The following ME1 variants were observed in gnomAD, a reference collection of about 807,000 sequenced individuals.
ME1 encodes NADP-dependent malic enzyme.
In ME1, 74 loss-of-function variants were observed where a neutral mutation model predicts 66.4. The observed-to-expected ratio is 1.11, with a 90% CI of 0.92 to 1.35. The LOEUF (loss-of-function observed/expected upper bound fraction) is 1.35. Among genes scored for constraint, ME1 ranks in the 40% most tolerant of loss-of-function variants. The probability of loss-of-function intolerance (pLI) is 0.00; values close to 1 mark genes in which losing one functional copy is unlikely to be tolerated. For synonymous variants in ME1, 251 were observed against 235.6 expected (o/e 1.07, Z -0.60); for missense variants, 750 against 694.1 (o/e 1.08, Z -0.90).
At chr6:83,225,156 C>T (rs954609407) in intron 11 of ME1, among the ~76,000 whole-genome samples, 1 of 135,736 alleles carries the variant, frequency 7.4e-6, no homozygotes, top group African/African-American at 2.8e-5. Flanking sequence ...GAGCCGAGAT[C>T]GTGCCATTCA....
intron 6 of ME1, among the ~76,000 whole-genome samples, chr6:83,301,000 A>C (rs1052386711): frequency 5.9e-5 from 9 of 152,080 alleles, no homozygotes; most frequent in African/African-American, 1.2e-4. Flanking sequence ...GAACAATAAG[A>C]ACACTTGGAC....
chr6:83,300,108 T>C (rs1193948153), intron 6 of ME1, among the ~76,000 whole-genome samples: 1 of 152,114 alleles, frequency 6.6e-6, no homozygotes, highest in Non-Finnish European at 1.5e-5. Flanking sequence ...GGCAGCCATC[T>C]AATCTTCAAT....
chr6:83,274,059 C>T (rs545429996), intron 6 of ME1, among the ~76,000 whole-genome samples: 4 of 152,284 alleles, frequency 2.6e-5, no homozygotes, highest in Non-Finnish European at 5.9e-5. Flanking sequence ...CTCCTTTCCT[C>T]TGATGTGCTA....
chr6:83,262,161 G>T (rs1331719109), intron 6 of ME1, among the ~76,000 whole-genome samples: 1 of 152,108 alleles, frequency 6.6e-6, no homozygotes, highest in African/African-American at 2.4e-5. Flanking sequence ...ATGTGCACAG[G>T]CCATCTGATG....
At chr6:83,224,931 G>A (rs531753007) in intron 11 of ME1, among the ~76,000 whole-genome samples, 1 of 151,928 alleles carries the variant, frequency 6.6e-6, no homozygotes, top group South Asian at 2.1e-4. Flanking sequence ...GCTGGGCGCG[G>A]TGGCTCACGC....
chr6:83,383,147 C>CAT, intron 3 of ME1, among the ~76,000 whole-genome samples: 1 of 151,910 alleles, frequency 6.6e-6, no homozygotes, highest in East Asian at 1.9e-4. Flanking sequence ...TACATACATA[C>CAT]ATACACACAC....
chr6:83,240,847 G>A (rs1180228), intron 7 of ME1, among the ~76,000 whole-genome samples: 67,786 of 151,770 alleles, frequency 0.45, 15,700 homozygotes, highest in African/African-American at 0.56. Context: ...TTAGGTAGCC[G>A]CAAATAAGAA....
At chr6:83,291,199 A>T (rs929715029) in intron 6 of ME1, among the ~76,000 whole-genome samples, 1 of 152,118 alleles carries the variant, frequency 6.6e-6, no homozygotes, top group Admixed American at 6.5e-5. Flanking sequence ...TAATTGATGC[A>T]GTTTCTTCTT....
At position 83,404,377 on chromosome 6, in the gene ME1, T is replaced by C. The variant is rs186232913; in HGVS notation, c.212+3391A>G. On this transcript the variant is annotated intron_variant, in intron 2 of 13. Coordinates refer to ENST00000369705, the MANE Select transcript of ME1 (RefSeq NM_002395.6). The stretch of plus-strand genomic sequence containing the variant: ...TTTTTTTCTTGTAAATTTGTTTAAG[T>C]TCTTTGTAGATTCTGGATATTAGCC... Among the ~76,000 whole-genome samples, 147 of 152,312 alleles carry C rather than the reference T, an allele frequency of 9.7e-4. 1 individual carries two copies. Among genetic ancestry groups the C allele is most frequent in the Non-Finnish European group, 1.4e-3 (92 of 68,026 alleles).
chr6:83,358,507 T>C (rs562617811), intron 3 of ME1, among the ~76,000 whole-genome samples: 1 of 152,260 alleles, frequency 6.6e-6, no homozygotes, highest in African/African-American at 2.4e-5. Flanking sequence ...GCTGAAATTG[T>C]GGAAAAACAG....
chr6:83,343,877 T>C (rs1768635737), intron 5 of ME1, among the ~76,000 whole-genome samples: 1 of 152,190 alleles, frequency 6.6e-6, no homozygotes, highest in South Asian at 2.1e-4. Context: ...ACAATCTCTC[T>C]CATGAAATCA....
At chr6:83,384,866 A>T (rs1410165380) in intron 3 of ME1, among the ~76,000 whole-genome samples, 1 of 151,946 alleles carries the variant, frequency 6.6e-6, no homozygotes, top group Admixed American at 6.6e-5. Context: ...TCCTAGCACC[A>T]TTTATTGAAT....
chr6:83,417,370 T>TG (rs111564368), intron 1 of ME1, among the ~76,000 whole-genome samples: 1 of 149,768 alleles, frequency 6.7e-6, no homozygotes, highest in East Asian at 2.0e-4. Context: ...TTTGTTGTTT[T>TG]TTGTTGTTGT....
rs975010816 is a variant in ME1 at position 83,367,344 on chromosome 6, G to A, written c.363-15205C>T. On this transcript the variant is annotated intron_variant, in intron 3 of 13. Transcript: ENST00000369705. ...AAGTAGGTATTGGCTTCAACTTAGA[G>A]TCACCAGCTGCATTTGGCCTTAACA... is the stretch of plus-strand genomic sequence containing the variant. Among the ~76,000 whole-genome samples, 4 of 152,108 alleles carry A rather than the reference G, an allele frequency of 2.6e-5. No homozygotes were observed. The East Asian group carries it at 7.7e-4, about 29-fold the overall frequency.
chr6:83,370,677 A>G (rs1327633781), intron 3 of ME1, among the ~76,000 whole-genome samples: 1 of 152,144 alleles, frequency 6.6e-6, no homozygotes, highest in Non-Finnish European at 1.5e-5. Context: ...AATAACAGCA[A>G]TGAAGTAAAG....
At chr6:83,288,280 A>G (rs1273072423) in intron 6 of ME1, among the ~76,000 whole-genome samples, 1 of 151,826 alleles carries the variant, frequency 6.6e-6, no homozygotes, top group Non-Finnish European at 1.5e-5. Flanking sequence ...GGATTTTTAC[A>G]GTCCTAGGTC....
At chr6:83,345,624 C>T (rs1254192772) in intron 5 of ME1, among the ~76,000 whole-genome samples, 1 of 151,916 alleles carries the variant, frequency 6.6e-6, no homozygotes, top group East Asian at 1.9e-4. Flanking sequence ...ATTTCTATTT[C>T]AGAGAATTCT....
intron 6 of ME1, among the ~76,000 whole-genome samples, chr6:83,268,135 C>A (rs1767021757): frequency 6.6e-6 from 1 of 152,068 alleles, no homozygotes; most frequent in African/African-American, 2.4e-5. Context: ...GATCAGGTCC[C>A]AGATTTCTTG....
At chr6:83,307,103 T>C (rs1276243618) in intron 6 of ME1, among the ~76,000 whole-genome samples, 1 of 152,106 alleles carries the variant, frequency 6.6e-6, no homozygotes, top group African/African-American at 2.4e-5. Context: ...ATCAAAATAC[T>C]GAAGTATACA....
Sources: allele counts gnomAD v4.1 joint callset (sites outside exome capture counted in the v4.1 genomes callset), GRCh38; gene constraint gnomAD v4.1.1; transcripts MANE v1.5; gene names NCBI Gene and HGNC (gene_info 2026-07-23, HGNC 2026-07-21).